Variants in ST6GALNAC5 observed in about 807,000 individuals in gnomAD.
The protein encoded by ST6GALNAC5 is alpha-N-acetylgalactosaminide alpha-2,6-sialyltransferase 5.
Under a neutral mutation model 33.6 loss-of-function variants are expected in ST6GALNAC5, and 27 were observed. The ratio of observed to expected loss-of-function variants is 0.80; its 90% CI spans 0.59 to 1.11. The LOEUF is 1.11. Ranked by LOEUF, ST6GALNAC5 falls within the 50% of genes least tolerant of loss-of-function variation. The pLI is 0.00. For synonymous variants in ST6GALNAC5, 194 were observed against 171.2 expected, an observed-to-expected ratio of 1.13 and a Z score of -1.04; for missense variants, 428 against 454.0, an observed-to-expected ratio of 0.94 and a Z score of 0.52.
chr1:77,008,353 T>C (rs1340963147), intron 2 of ST6GALNAC5, among the ~76,000 whole-genome samples: 1 of 152,172 alleles, frequency 6.6e-6, no homozygotes, highest in Non-Finnish European at 1.5e-5. Context: ...TGTCCGTTAC[T>C]AGCTTGGACC....
At chr1:76,902,356 A>C (rs1646825376) in intron 2 of ST6GALNAC5, among the ~76,000 whole-genome samples, 1 of 152,152 alleles carries the variant, frequency 6.6e-6, no homozygotes, top group Non-Finnish European at 1.5e-5. Context: ...ACATTACTGA[A>C]ATAAATTACA....
chr1:76,869,198 C>G (rs1653439220), intron 2 of ST6GALNAC5: 1 of 181,322 alleles, frequency 5.5e-6, no homozygotes, highest in Non-Finnish European at 1.1e-5. Flanking sequence ...TCCAGCGTTC[C>G]CCTCTGATCT....
At chr1:76,904,463 G>A (rs1288633122) in intron 2 of ST6GALNAC5, among the ~76,000 whole-genome samples, 1 of 152,122 alleles carries the variant, frequency 6.6e-6, no homozygotes, top group Non-Finnish European at 1.5e-5. Context: ...AATACCATAT[G>A]GCAACAAGAA....
intron 2 of ST6GALNAC5, among the ~76,000 whole-genome samples, chr1:76,873,224 C>A (rs1288553664): frequency 2.0e-5 from 3 of 152,200 alleles, no homozygotes; most frequent in African/African-American, 7.2e-5. Flanking sequence ...TCTGGTCATT[C>A]AGTCATCAGG....
Position 76,875,006 on chromosome 1 carries a change from T to G in ST6GALNAC5, c.261+6264T>G, listed in dbSNP as rs184199880. On this transcript the variant is annotated intron_variant, in intron 2 of 4. Transcript: ENST00000477717. ...CAAAAAGTTATCAATACTTAAATGC[T>G]GATATGCAGTCAATACATCTTATGT... Among the ~76,000 whole-genome samples, 80 of 152,314 alleles carry G rather than the reference T, an allele frequency of 5.3e-4. 1 individual carries two copies. The highest frequency in any genetic ancestry group is 1.8e-3 in the African/African-American group (75 of 41,574).
intron 2 of ST6GALNAC5, among the ~76,000 whole-genome samples, chr1:76,895,235 T>C (rs1229197129): frequency 6.6e-6 from 1 of 152,072 alleles, no homozygotes; most frequent in Non-Finnish European, 1.5e-5. Context: ...TGTCTTCTTA[T>C]ATTAATAAGA....
intron 2 of ST6GALNAC5, among the ~76,000 whole-genome samples, chr1:77,006,133 G>C (rs1362110005): frequency 7.9e-6 from 1 of 126,390 alleles, no homozygotes; most frequent in Non-Finnish European, 1.9e-5. Context: ...ATAGAAATGT[G>C]TAGTTTTTTT....
intron 2 of ST6GALNAC5, among the ~76,000 whole-genome samples, chr1:76,992,294 A>G (rs1378121117): frequency 6.6e-6 from 1 of 152,170 alleles, no homozygotes; most frequent in Non-Finnish European, 1.5e-5. Context: ...ATTTTAGTCA[A>G]TAATTTCTTT....
chr1:76,947,808 A>C (rs1647582308), intron 2 of ST6GALNAC5, among the ~76,000 whole-genome samples: 1 of 152,120 alleles, frequency 6.6e-6, no homozygotes, highest in South Asian at 2.1e-4. Context: ...AAATGTGGGC[A>C]TATGTATAAC....
In ST6GALNAC5 at chr1:77,019,676, T is replaced by C. The variant is rs377051778; in HGVS notation, c.262-24528T>C. Reference sequence around the variant, plus strand: ...AGTCCTTTGTTCATGCTGATATGAGTAGCAGAAGGGTTTCTGCAAGTTCTT... The same window carrying C: ...AGTCCTTTGTTCATGCTGATATGAGCAGCAGAAGGGTTTCTGCAAGTTCTT... On this transcript the variant is annotated intron_variant, in intron 2 of 4. Transcript: ENST00000477717. 4.7e-4 allele frequency among the ~76,000 whole-genome samples: 72 copies of C among 152,296 alleles called. 3 individuals carry two copies. The South Asian group carries it at 0.014, about 30-fold the overall frequency.
intron 2 of ST6GALNAC5, among the ~76,000 whole-genome samples, chr1:76,939,262 C>T (rs894269880): frequency 4.7e-4 from 72 of 152,110 alleles, no homozygotes; most frequent in African/African-American, 1.7e-3. Flanking sequence ...GGAGCCAGTT[C>T]TGGCGATAGG....
At chr1:76,957,041 G>A (rs1648029008) in intron 2 of ST6GALNAC5, among the ~76,000 whole-genome samples, 1 of 151,904 alleles carries the variant, frequency 6.6e-6, no homozygotes, top group Admixed American at 6.6e-5. Context: ...ACTCAAACCT[G>A]GAGAAAAATG....
At chr1:76,901,602 G>A (rs1424527799) in intron 2 of ST6GALNAC5, among the ~76,000 whole-genome samples, 2 of 152,272 alleles carry the variant, frequency 1.3e-5, no homozygotes, top group Non-Finnish European at 2.9e-5. Flanking sequence ...AGGGTACTTT[G>A]GGAATATAAG....
intron 4 of ST6GALNAC5, among the ~76,000 whole-genome samples, chr1:77,061,135 T>C (rs1652561543): frequency 6.6e-6 from 1 of 152,154 alleles, no homozygotes; most frequent in African/African-American, 2.4e-5. Flanking sequence ...CAATAACTAG[T>C]CAGGAAAGGA....
intron 2 of ST6GALNAC5, among the ~76,000 whole-genome samples, chr1:76,918,695 T>C (rs74092225): frequency 0.023 from 3,549 of 151,738 alleles, 148 homozygotes; most frequent in African/African-American, 0.082. Context: ...TTCTCACTGC[T>C]TTGGAGTTTG....
chr1:76,945,397 C>A (rs925913315), intron 2 of ST6GALNAC5, among the ~76,000 whole-genome samples: 3 of 151,844 alleles, frequency 2.0e-5, no homozygotes, highest in Admixed American at 6.6e-5. Context: ...CCCAAACAAA[C>A]AAAAAATGCT....
intron 3 of ST6GALNAC5, among the ~76,000 whole-genome samples, chr1:77,050,028 T>C (rs1652167525): frequency 6.6e-6 from 1 of 152,238 alleles, no homozygotes; most frequent in Non-Finnish European, 1.5e-5. Context: ...TGAGCATCTT[T>C]CATTGTCACA....
At chr1:76,897,348 T>A (rs148138875) in intron 2 of ST6GALNAC5, among the ~76,000 whole-genome samples, 2,706 of 152,114 alleles carry the variant, frequency 0.018, 86 homozygotes, top group African/African-American at 0.061. Context: ...GCAAAACAAT[T>A]TGGTTGATAA....
In ST6GALNAC5 at chr1:76,917,432, G is replaced by A. The variant is rs78248203; in HGVS notation, c.261+48690G>A. On this transcript the variant is annotated intron_variant, in intron 2 of 4. Transcript: ENST00000477717. ...CATTCATAATCTATTATTGATCTAC[G>A]ATAACTAATAAATCTGTACACTGTG... is the stretch of plus-strand genomic sequence containing the variant. Among the ~76,000 whole-genome samples the A allele has an allele frequency of 5.3e-5, 8 of 152,040 alleles. No homozygotes were observed. In the South Asian group the frequency reaches 1.0e-3, roughly 20 times the overall value.
Sources: gnomAD v4.1 joint callset for allele counts (sites outside exome capture counted in the v4.1 genomes callset) on GRCh38, gnomAD v4.1.1 for gene constraint, MANE v1.5 for transcripts, NCBI Gene and HGNC (gene_info 2026-07-23, HGNC 2026-07-21) for gene names.